CSNK1G3: variants seen among roughly 807,000 people sequenced by gnomAD.
CSNK1G3 encodes casein kinase I isoform gamma-3.
Under a neutral mutation model 64.3 loss-of-function variants are expected in CSNK1G3, and 23 were observed. The observed-to-expected ratio is 0.36, with a 90% CI of 0.26 to 0.51. The LOEUF is 0.51. Ranked by LOEUF, CSNK1G3 falls within the 20% of genes least tolerant of loss-of-function variation. The pLI, the probability that CSNK1G3 is intolerant of heterozygous loss-of-function variation, is 0.96. For missense variants in CSNK1G3, 357 were observed against 510.5 expected (o/e 0.70, Z 2.90); for synonymous variants, 158 against 162.2 (o/e 0.97, Z 0.20).
chr5:123,528,682 T>A (rs1779446522), intron 1 of CSNK1G3, among the ~76,000 whole-genome samples: 1 of 152,214 alleles, frequency 6.6e-6, no homozygotes, highest in Non-Finnish European at 1.5e-5. Flanking sequence ...CCTTGCCTAG[T>A]CCATTAATTT....
At chr5:123,590,585 A>G in intron 9 of CSNK1G3, 27 bp downstream of exon 9, 1 of 1,334,998 alleles carries the variant, frequency 7.5e-7, no homozygotes, top group Non-Finnish European at 1.0e-6. Context: ...ATAATATATT[A>G]CTTACAGTAT....
At chr5:123,592,237 A>C (rs1248303566) in intron 10 of CSNK1G3, among the ~76,000 whole-genome samples, 3 of 151,962 alleles carry the variant, frequency 2.0e-5, no homozygotes, top group Admixed American at 2.0e-4. Flanking sequence ...GAATAATATA[A>C]AATATGAAGC....
chr5:123,548,173 G>A (rs1477641849), intron 2 of CSNK1G3, among the ~76,000 whole-genome samples: 1 of 152,048 alleles, frequency 6.6e-6, no homozygotes, highest in Non-Finnish European at 1.5e-5. Flanking sequence ...CTTGAGACTT[G>A]TGGTGCTTGG....
At chr5:123,523,185 GTC>G (rs1322860179) in intron 1 of CSNK1G3, among the ~76,000 whole-genome samples, 1 of 152,012 alleles carries the variant, frequency 6.6e-6, no homozygotes, top group African/African-American at 2.4e-5. Flanking sequence ...ATGAGGAACG[GTC>G]TCTGTTTATT....
intron 10 of CSNK1G3, among the ~76,000 whole-genome samples, chr5:123,599,700 T>C (rs550303705): frequency 6.6e-6 from 1 of 152,274 alleles, no homozygotes; most frequent in East Asian, 1.9e-4. Flanking sequence ...TACAATCACA[T>C]CTTTCTATTC....
intron 1 of CSNK1G3, among the ~76,000 whole-genome samples, chr5:123,514,463 CTG>C (rs1449593804): frequency 1.3e-4 from 20 of 152,338 alleles, no homozygotes; most frequent in African/African-American, 4.8e-4. Flanking sequence ...CACCTTTACT[CTG>C]TGGCAAGGAT....
intron 3 of CSNK1G3, among the ~76,000 whole-genome samples, chr5:123,555,010 T>C (rs1784371503): frequency 6.6e-6 from 1 of 152,376 alleles, no homozygotes; most frequent in South Asian, 2.1e-4. Flanking sequence ...ATGTCATCTT[T>C]CAGCCTTCTT....
chr5:123,608,262 A>G (rs918539281), intron 12 of CSNK1G3, among the ~76,000 whole-genome samples: 1 of 152,178 alleles, frequency 6.6e-6, no homozygotes, highest in Non-Finnish European at 1.5e-5. Context: ...GTATTCTATA[A>G]TGCACATTTT....
At chr5:123,546,356 AG>A (rs1311107382) in intron 2 of CSNK1G3, among the ~76,000 whole-genome samples, 1 of 152,072 alleles carries the variant, frequency 6.6e-6, no homozygotes, top group Non-Finnish European at 1.5e-5. Context: ...ATTCTTAACA[AG>A]GGGCTCAGAG....
intron 12 of CSNK1G3, among the ~76,000 whole-genome samples, chr5:123,611,414 T>G (rs373283724): frequency 6.6e-6 from 1 of 152,226 alleles, no homozygotes; most frequent in East Asian, 1.9e-4. Context: ...GTGTTTGAAT[T>G]TAAGGGCCAT....
At chr5:123,607,905 G>A (rs963339760) in intron 12 of CSNK1G3, among the ~76,000 whole-genome samples, 3 of 152,000 alleles carry the variant, frequency 2.0e-5, no homozygotes, top group Non-Finnish European at 2.9e-5. Flanking sequence ...ATTTCTACAC[G>A]TTTGTTATTG....
At chr5:123,595,413 C>G (rs139322418) in intron 10 of CSNK1G3, among the ~76,000 whole-genome samples, 1 of 152,202 alleles carries the variant, frequency 6.6e-6, no homozygotes, top group East Asian at 1.9e-4. Context: ...CGGTATTATG[C>G]TTGAAATAGG....
intron 5 of CSNK1G3, 22 bp from the exon 6 acceptor site, chr5:123,575,707 C>G (rs1789032228): frequency 6.5e-7 from 1 of 1,530,116 alleles, no homozygotes; most frequent in South Asian, 1.1e-5. Context: ...TAAAACTTCT[C>G]TTCTTTTTTT....
chr5:123,517,003 C>A (rs1053870793), intron 1 of CSNK1G3, among the ~76,000 whole-genome samples: 1 of 152,128 alleles, frequency 6.6e-6, no homozygotes, highest in African/African-American at 2.4e-5. Context: ...GGAGGAAATT[C>A]ATATGAAGTG....
chr5:123,538,667 G>A (rs767579783), intron 1 of CSNK1G3, among the ~76,000 whole-genome samples: 10 of 152,056 alleles, frequency 6.6e-5, no homozygotes, highest in Non-Finnish European at 1.0e-4. Flanking sequence ...CCACCATGGC[G>A]CATGTATACC....
chr5:123,593,859 T>C (rs1792906883), intron 10 of CSNK1G3, among the ~76,000 whole-genome samples: 1 of 152,158 alleles, frequency 6.6e-6, no homozygotes, highest in African/African-American at 2.4e-5. Flanking sequence ...AAGGTTGTTC[T>C]GGCCAACAAT....
chr5:123,549,342 T>C (rs922568430), intron 2 of CSNK1G3, among the ~76,000 whole-genome samples: 2 of 152,200 alleles, frequency 1.3e-5, no homozygotes, highest in African/African-American at 4.8e-5. Context: ...TTAAAAAACC[T>C]TTCTGGCTGG....
intron 10 of CSNK1G3, among the ~76,000 whole-genome samples, chr5:123,592,476 TA>T (rs11296990): frequency 0.044 from 6,734 of 151,946 alleles, 233 homozygotes; most frequent in African/African-American, 0.09. Flanking sequence ...TTTTTTTTGG[TA>T]AAAAAGTTTT....
chr5:123,581,907 T>A (rs938654450), intron 6 of CSNK1G3, among the ~76,000 whole-genome samples: 14 of 151,990 alleles, frequency 9.2e-5, no homozygotes, highest in African/African-American at 3.4e-4. Flanking sequence ...TAAACTTTAT[T>A]CAGGGAGAAT....
Sources: gnomAD v4.1 joint callset for allele counts (sites outside exome capture counted in the v4.1 genomes callset) on GRCh38, gnomAD v4.1.1 for gene constraint, MANE v1.5 for transcripts, NCBI Gene and HGNC (gene_info 2026-07-23, HGNC 2026-07-21) for gene names.